Variants in SANBR observed in about 807,000 individuals in gnomAD.
The protein encoded by SANBR is SANT and BTB domain regulator of class switch recombination.
A neutral mutation model predicts 101.8 loss-of-function variants in SANBR; 77 were observed. The observed-to-expected ratio is 0.76, with a 90% CI of 0.63 to 0.91. The LOEUF is 0.91. Among genes scored for constraint, SANBR ranks in the 40% least tolerant of loss-of-function variants. The probability of loss-of-function intolerance (pLI) is 0.00; values close to 1 mark genes in which losing one functional copy is unlikely to be tolerated. For missense variants in SANBR, 875 were observed against 853.0 expected, an observed-to-expected ratio of 1.03 and a Z score of -0.32; for synonymous variants, 279 against 274.7, an observed-to-expected ratio of 1.02 and a Z score of -0.15.
chr2:61,130,442 A>G (rs1173767087), intron 20 of SANBR, among the ~76,000 whole-genome samples: 1 of 152,176 alleles, frequency 6.6e-6, no homozygotes, highest in African/African-American at 2.4e-5. Flanking sequence ...CCCAGACATC[A>G]CTAGACAAAG....
chr2:61,073,334 C>G, intron 4 of SANBR, 124 bp from the exon 5 acceptor site: 1 of 469,648 alleles, frequency 2.1e-6, no homozygotes, highest in Non-Finnish European at 3.9e-6. Context: ...CTGATAAGTA[C>G]CATCTTTAGC....
Position 61,123,445 on chromosome 2 carries a change from A to G in SANBR, c.*1283A>G. 3 of 984,334 alleles carry G rather than the reference A, an allele frequency of 3.0e-6. No individual in the cohort carries two copies. The South Asian group carries it at 1.4e-4, about 46-fold the overall frequency. The allele number at this position is 984,334 out of a possible 1,614,324, so 61.0% of individuals were successfully genotyped here. A position where few individuals can be genotyped will look rare whatever the true frequency, so the allele number is the denominator to read the frequency against. The stretch of plus-strand genomic sequence containing the variant: ...TGTTATTTGATAACTGGCTTTGCCA[A>G]GGTTTTTGAACTGCTGTTTAGAAAT... On this transcript the variant is annotated 3_prime_UTR_variant, in exon 22 of 22. Coordinates refer to ENST00000402291, the MANE Select transcript of SANBR (RefSeq NM_001129993.3).
At chr2:61,088,994 C>T (rs1451213506) in intron 10 of SANBR, 2 of 903,660 alleles carry the variant, frequency 2.2e-6, no homozygotes, top group Admixed American at 1.2e-4. Context: ...ATGTTTTACA[C>T]ATTAAAATGA....
At chr2:61,117,149 C>T in intron 17 of SANBR, 1 of 553,128 alleles carries the variant, frequency 1.8e-6, no homozygotes. Context: ...GGAGAAGTTT[C>T]TTAACTTCTC....
intron 20 of SANBR, 81 bp downstream of exon 20, chr2:61,118,197 G>T: frequency 1.1e-6 from 1 of 880,808 alleles, no homozygotes; most frequent in Non-Finnish European, 1.8e-6. Context: ...TTATAAAGAT[G>T]TCTTAGGCAG....
In SANBR at chr2:61,122,413, A is replaced by C; in HGVS notation, c.*251A>C. 2 of 1,197,496 alleles carry C rather than the reference A, an allele frequency of 1.7e-6. No individual in the cohort carries two copies. Among genetic ancestry groups the C allele is most frequent in the African/African-American group, 1.6e-5 (1 of 63,440 alleles). 74.2% of individuals were successfully genotyped at this position (1,197,496 alleles called of 1,614,324 possible). A position where few individuals can be genotyped will look rare whatever the true frequency, so the allele number is the denominator to read the frequency against. ...GCTATGTAGAAAGCAATTATTTACA[A>C]ATTTGCATAGTTGAGACTCCCAGTG... On this transcript the variant is annotated 3_prime_UTR_variant, in exon 22 of 22. Transcript: ENST00000402291.
At chr2:61,132,861 A>C (rs918045652) in intron 20 of SANBR, among the ~76,000 whole-genome samples, 1 of 152,210 alleles carries the variant, frequency 6.6e-6, no homozygotes, top group African/African-American at 2.4e-5. Context: ...TTGCTAAGTG[A>C]AAGAAGCCAG....
At chr2:61,088,138 T>C (rs1302638987) in intron 8 of SANBR, 21 bp from the exon 9 acceptor site, 4 of 1,352,346 alleles carry the variant, frequency 3.0e-6, no homozygotes, top group Non-Finnish European at 4.2e-6. Context: ...AATTAATATT[T>C]TGGTCATTTG....
intron 13 of SANBR, 25 bp from the exon 14 acceptor site, chr2:61,106,538 C>A: frequency 1.4e-6 from 2 of 1,438,878 alleles, no homozygotes; most frequent in South Asian, 1.2e-5. Flanking sequence ...AACTCTTCTC[C>A]GTAAAAATGT....
rs908977114 is a variant in SANBR, at chr2:61,123,158, G to C, written c.*996G>C. ...CAGAAAGAGTGCTCAGGGAAAATTT[G>C]TTCCAAACTATAACCATATAATAAA... On this transcript the variant is annotated 3_prime_UTR_variant, in exon 22 of 22. Transcript: ENST00000402291. 2 of 981,352 alleles carry C rather than the reference G, an allele frequency of 2.0e-6. No homozygotes were observed. The highest frequency in any genetic ancestry group is 1.8e-5 in the African/African-American group (1 of 57,126). The allele number at this position is 981,352 out of a possible 1,614,324, so 60.8% of individuals were successfully genotyped here. A position where few individuals can be genotyped will look rare whatever the true frequency, so the allele number is the denominator to read the frequency against.
In SANBR at chr2:61,117,365, T is replaced by A. The variant is rs760266477; in HGVS notation, c.1845T>A (p.Ser615=). 2 of 1,613,704 alleles carry A rather than the reference T, an allele frequency of 1.2e-6. No homozygotes were observed. Among genetic ancestry groups the A allele is most frequent in the Non-Finnish European group, 1.7e-6 (2 of 1,179,768 alleles). ...TGTCTACTTTTTTTTAGTCAGCTTC[T>A]AGAGATGTGTCTCCTTTCGTGTGAG... ...RKEKALEKSA[S]RDVSPFVMSM... is the part of the protein sequence containing the mutation. Residue 615 remains serine, a synonymous_variant, in exon 18 of 22, where the codon TCT becomes TCA. Coordinates refer to ENST00000402291, the MANE Select transcript of SANBR (RefSeq NM_001129993.3).
chr2:61,134,553 T>C (rs1684788089), intron 21 of SANBR, among the ~76,000 whole-genome samples: 1 of 152,366 alleles, frequency 6.6e-6, no homozygotes. Context: ...TTTGTTGTTA[T>C]TGGTCTTGTT....
intron 20 of SANBR, among the ~76,000 whole-genome samples, chr2:61,132,127 TA>T (rs35181978): frequency 0.41 from 62,273 of 151,928 alleles, 12,994 homozygotes; most frequent in Middle Eastern, 0.46. Context: ...GATTCTTAGA[TA>T]AGACAATAAA....
chr2:61,137,455 C>T (rs1684885981), intron 21 of SANBR: 1 of 152,172 alleles, frequency 6.6e-6, no homozygotes, highest in South Asian at 2.1e-4. Flanking sequence ...CCTTTTTCTT[C>T]CTATCCAGGT....
At chr2:61,100,147 C>G (rs1683215422) in intron 12 of SANBR, among the ~76,000 whole-genome samples, 1 of 152,102 alleles carries the variant, frequency 6.6e-6, no homozygotes, top group Non-Finnish European at 1.5e-5. Flanking sequence ...CGCTGTTGCC[C>G]CGGCTGGAAT....
rs371301741 is a variant in SANBR, at chr2:61,088,407, C to G, written c.1027C>G (p.Pro343Ala). The change falls in exon 10 of 22, where the codon CCT becomes GCT. Residue 343 changes from proline (P) to alanine (A), a missense_variant. Pro to Ala is a conservative substitution (Grantham distance 27). Transcript: ENST00000402291. ...AACAAAAGAAACAGAAAGAAGAATT[C>G]CTTGCATTCCTGGAAAAATCAATGT... ...LLTKETERRI[P>A]CIPGKINVDR... 2.4e-5 allele frequency: 39 copies of G among 1,606,626 alleles called. No individual in the cohort carries two copies. In the African/African-American group the frequency reaches 5.1e-4, roughly 21 times the overall value.
chr2:61,136,381 T>G (rs1421075610), intron 21 of SANBR, among the ~76,000 whole-genome samples: 8 of 151,022 alleles, frequency 5.3e-5, no homozygotes, highest in Non-Finnish European at 1.2e-4. Context: ...ACGCCTGTAA[T>G]CCTAGCAGTT....
chr2:61,119,857 G>A (rs183342674), intron 20 of SANBR, among the ~76,000 whole-genome samples: 4 of 152,264 alleles, frequency 2.6e-5, no homozygotes, highest in Admixed American at 2.6e-4. Context: ...AGCTACTAGC[G>A]AGACTGAAGT....
At chr2:61,079,963 C>T (rs995374751) in intron 6 of SANBR, among the ~76,000 whole-genome samples, 3 of 150,590 alleles carry the variant, frequency 2.0e-5, no homozygotes, top group African/African-American at 7.3e-5. Context: ...ACTGGGAGGC[C>T]GAGGCGGACG....
Sources: gnomAD v4.1 joint callset for allele counts (sites outside exome capture counted in the v4.1 genomes callset) on GRCh38, gnomAD v4.1.1 for gene constraint, MANE v1.5 for transcripts, NCBI Gene and HGNC (gene_info 2026-07-23, HGNC 2026-07-21) for gene names.